MTUS2: variants seen among roughly 807,000 people sequenced by gnomAD.
MTUS2 encodes microtubule-associated tumor suppressor candidate 2.
MTUS2 carries 40 observed loss-of-function variants against 114.1 expected under a neutral mutation model. That is an observed-to-expected ratio of 0.35 (90% CI 0.27 to 0.46). The LOEUF is 0.46. MTUS2 is among the 20% of genes least tolerant of loss of function. The probability of loss-of-function intolerance (pLI) is 1.00; values close to 1 mark genes in which losing one functional copy is unlikely to be tolerated. For missense variants in MTUS2, 1,679 were observed against 1,705.4 expected, an observed-to-expected ratio of 0.98 and a Z score of 0.27; for synonymous variants, 688 against 672.0, an observed-to-expected ratio of 1.02 and a Z score of -0.37.
chr13:29,457,799 C>T (rs1384784879), intron 9 of MTUS2, among the ~76,000 whole-genome samples: 1 of 152,130 alleles, frequency 6.6e-6, no homozygotes, highest in Non-Finnish European at 1.5e-5. Context: ...ACATTCTTGC[C>T]AACATTTGTC....
chr13:29,287,621 C>A (rs748852974), intron 6 of MTUS2, among the ~76,000 whole-genome samples: 18 of 152,194 alleles, frequency 1.2e-4, no homozygotes, highest in Non-Finnish European at 2.2e-4. Context: ...TTATGATGAG[C>A]TATCCCTTTC....
At chr13:29,491,946 GCA>G (rs1192841316) in intron 11 of MTUS2, among the ~76,000 whole-genome samples, 2 of 135,712 alleles carry the variant, frequency 1.5e-5, no homozygotes, top group African/African-American at 5.6e-5. Context: ...TGTGTGTGTG[GCA>G]TGTAGTGTGT....
intron 5 of MTUS2, among the ~76,000 whole-genome samples, chr13:29,124,934 A>G (rs1320068167): frequency 1.3e-5 from 2 of 152,182 alleles, no homozygotes; most frequent in Non-Finnish European, 2.9e-5. Flanking sequence ...GGCTAAAGAG[A>G]AGGAGGAATG....
chr13:28,906,098 A>T (rs1879989739), intron 2 of MTUS2, among the ~76,000 whole-genome samples: 2 of 151,262 alleles, frequency 1.3e-5, no homozygotes, highest in Admixed American at 1.3e-4. Context: ...ATTGGTGGTG[A>T]TATCCCCTTT....
At position 28,997,759 on chromosome 13, in the gene MTUS2, C is replaced by A. The variant is rs183009250; in HGVS notation, c.-242-26698C>A. On this transcript the variant is annotated intron_variant, in intron 2 of 15. Transcript: ENST00000612955. ...ATTTGCTTGGTAGATCTTCCTCCAT[C>A]CCTTTATTTTGAGCCTATGTGTGTC... Among the ~76,000 whole-genome samples, 399 of 152,138 alleles carry A rather than the reference C, an allele frequency of 2.6e-3. 1 individual carries two copies. Among genetic ancestry groups the A allele is most frequent in the African/African-American group, 9.2e-3 (381 of 41,488 alleles).
chr13:29,044,854 T>C (rs1383120137), intron 4 of MTUS2, among the ~76,000 whole-genome samples: 3 of 152,200 alleles, frequency 2.0e-5, no homozygotes, highest in African/African-American at 7.2e-5. Flanking sequence ...AAATATTTGC[T>C]TTTAAAGTCA....
At chr13:28,922,957 C>T (rs1357814825) in intron 2 of MTUS2, among the ~76,000 whole-genome samples, 1 of 152,174 alleles carries the variant, frequency 6.6e-6, no homozygotes, top group Non-Finnish European at 1.5e-5. Context: ...CTTTTCCTTT[C>T]CTTCTGAAAC....
At position 29,100,879 on chromosome 13, in the gene MTUS2, A is replaced by C. The variant is rs1454144555; in HGVS notation, c.2553A>C (p.Ala851=). The change falls in exon 5 of 16, where the codon GCA becomes GCC. Residue 851 remains alanine (A), a synonymous_variant. Coordinates refer to ENST00000612955, the MANE Select transcript of MTUS2 (RefSeq NM_001033602.4). The part of the protein sequence containing the change: ...YSRLPAAKLA[A]FGFVRSSSVS... ...GTCTCCCGGCAGCCAAACTGGCGGCATTTGGCTTTGTCCGGAGCTCCAGCG... is the reference window on the plus strand; with the variant it reads ...GTCTCCCGGCAGCCAAACTGGCGGCCTTTGGCTTTGTCCGGAGCTCCAGCG... The C allele has an allele frequency of 6.4e-7, 1 of 1,562,276 alleles. No homozygotes were observed. Among genetic ancestry groups the C allele is most frequent in the Admixed American group, 1.9e-5 (1 of 52,390 alleles).
intron 8 of MTUS2, among the ~76,000 whole-genome samples, chr13:29,432,783 C>T (rs1274573045): frequency 6.6e-6 from 1 of 152,200 alleles, no homozygotes; most frequent in East Asian, 1.9e-4. Flanking sequence ...GGTCCTGTCC[C>T]TTTAGGGGTT....
At chr13:29,241,448 C>A (rs1486173537) in intron 5 of MTUS2, among the ~76,000 whole-genome samples, 1 of 152,170 alleles carries the variant, frequency 6.6e-6, no homozygotes, top group Non-Finnish European at 1.5e-5. Context: ...CTCACATTCC[C>A]AGCATCTAGC....
intron 2 of MTUS2, among the ~76,000 whole-genome samples, chr13:28,947,280 T>G (rs1882581420): frequency 2.0e-5 from 3 of 151,984 alleles, no homozygotes; most frequent in African/African-American, 7.3e-5. Context: ...AAAGGTCTGG[T>G]GCTTAGTAGG....
intron 5 of MTUS2, among the ~76,000 whole-genome samples, chr13:29,187,978 A>G (rs1037681154): frequency 6.6e-6 from 1 of 152,100 alleles, no homozygotes; most frequent in Non-Finnish European, 1.5e-5. Context: ...TCACTTCCAC[A>G]TTTCCCCATA....
At chr13:28,841,253 G>A (rs1166190516) in intron 2 of MTUS2, among the ~76,000 whole-genome samples, 1 of 152,234 alleles carries the variant, frequency 6.6e-6, no homozygotes, top group Non-Finnish European at 1.5e-5. Flanking sequence ...TAAATGGGAT[G>A]TGGCAATACT....
chr13:29,123,482 C>T (rs184976740), intron 5 of MTUS2, among the ~76,000 whole-genome samples: 8 of 152,104 alleles, frequency 5.3e-5, no homozygotes, highest in South Asian at 2.1e-4. Context: ...TTTGGGAGGC[C>T]GAGAATAGCG....
At chr13:29,494,851 C>CAACA (rs1882422639) in intron 12 of MTUS2, among the ~76,000 whole-genome samples, 1 of 151,832 alleles carries the variant, frequency 6.6e-6, no homozygotes, top group Admixed American at 6.6e-5. Context: ...CCAGCCTGGC[C>CAACA]AACATGGTGA....
At chr13:29,144,619 T>A (rs919192413) in intron 5 of MTUS2, among the ~76,000 whole-genome samples, 1 of 152,160 alleles carries the variant, frequency 6.6e-6, no homozygotes, top group African/African-American at 2.4e-5. Flanking sequence ...TTGCTTGCTG[T>A]CATCTGGAGG....
At chr13:29,422,663 T>C (rs1307667715) in intron 8 of MTUS2, among the ~76,000 whole-genome samples, 2 of 143,684 alleles carry the variant, frequency 1.4e-5, no homozygotes, top group African/African-American at 5.1e-5. Flanking sequence ...TTTTTTTTTT[T>C]TTTTTTTTTT....
intron 4 of MTUS2, among the ~76,000 whole-genome samples, chr13:29,099,093 T>C (rs1890301039): frequency 6.6e-6 from 1 of 152,218 alleles, no homozygotes; most frequent in Non-Finnish European, 1.5e-5. Flanking sequence ...ATATTTTCAC[T>C]GTTCTGGGGA....
Position 29,496,857 on chromosome 13 carries a change from T to A in MTUS2, c.3580-381T>A, listed in dbSNP as rs2139003924. Among the ~76,000 whole-genome samples the A allele has an allele frequency of 6.6e-6, 1 of 152,152 alleles. No individual in the cohort carries two copies. Among genetic ancestry groups the A allele is most frequent in the Middle Eastern group, 3.4e-3 (1 of 294 alleles). On this transcript the variant is annotated intron_variant, in intron 12 of 15. Transcript: ENST00000612955. This position sits in a 1 kb window ranked among gnomAD's most constrained non-coding sequence, Gnocchi z 4.3. Reference sequence around the variant, plus strand: ...ATTGAGCTTCCTAAATGAGAATACATCTTTGAAATACATTCATCGCGGTCC... The same window carrying A: ...ATTGAGCTTCCTAAATGAGAATACAACTTTGAAATACATTCATCGCGGTCC...
Sources: allele counts gnomAD v4.1 joint callset (sites outside exome capture counted in the v4.1 genomes callset), GRCh38; gene constraint gnomAD v4.1.1; non-coding constraint Gnocchi (gnomAD v3.1); transcripts MANE v1.5; gene names NCBI Gene and HGNC (gene_info 2026-07-23, HGNC 2026-07-21).